The following CIMIP7 variants were observed in gnomAD, a reference collection of about 807,000 sequenced individuals.
CIMIP7 encodes ciliary microtubule inner protein 7, also known as uncharacterized protein C3orf84.
At chr3:49,178,552 GAGAA>G in the CIMIP7 span, 13 of 1,611,094 alleles carry the variant, frequency 8.1e-6, no homozygotes, top group African/African-American at 1.3e-4. Context: ...GAAAGACAGT[GAGAA>G]AGAAGGTGAA....
chr3:49,177,670 A>G, the CIMIP7 span: 6 of 1,603,790 alleles, frequency 3.7e-6, no homozygotes, highest in Admixed American at 1.7e-5. Flanking sequence ...GGACCAGTTT[A>G]GACACTCAGA....
the CIMIP7 span, chr3:49,178,364 T>C: frequency 1.1e-6 from 1 of 900,142 alleles, no homozygotes; most frequent in Non-Finnish European, 1.8e-6. Context: ...CAGCCACTCC[T>C]CTGCCTTCAT....
chr3:49,188,144 T>C, the CIMIP7 span, among the ~76,000 whole-genome samples: 1 of 152,232 alleles, frequency 6.6e-6, no homozygotes, highest in Non-Finnish European at 1.5e-5. Flanking sequence ...ATGGGCAGTA[T>C]GGAGCTGCAT....
At chr3:49,181,499 A>G in the CIMIP7 span, among the ~76,000 whole-genome samples, 1 of 152,150 alleles carries the variant, frequency 6.6e-6, no homozygotes. Context: ...TCTCTACAAA[A>G]AATAACAAAT....
the CIMIP7 span, among the ~76,000 whole-genome samples, chr3:49,191,348 C>T: frequency 6.6e-6 from 1 of 152,192 alleles, no homozygotes; most frequent in South Asian, 2.1e-4. Flanking sequence ...ATTTATCAGA[C>T]CTTTATTGTC....
the CIMIP7 span, among the ~76,000 whole-genome samples, chr3:49,181,177 A>C: frequency 6.6e-6 from 1 of 150,798 alleles, no homozygotes; most frequent in Non-Finnish European, 1.5e-5. Context: ...CCTTGTCTCT[A>C]CTGAAAATAC....
chr3:49,181,540 C>A, the CIMIP7 span, among the ~76,000 whole-genome samples: 1 of 152,040 alleles, frequency 6.6e-6, no homozygotes, highest in Non-Finnish European at 1.5e-5. Context: ...TACCTGTGGT[C>A]CCAGCAACTA....
the CIMIP7 span, among the ~76,000 whole-genome samples, chr3:49,188,104 C>A: frequency 1.3e-5 from 2 of 152,224 alleles, no homozygotes; most frequent in Non-Finnish European, 2.9e-5. Flanking sequence ...TTCCCAGATC[C>A]CTTCACTCTC....
the CIMIP7 span, chr3:49,178,401 C>G: frequency 2.4e-5 from 32 of 1,336,900 alleles, no homozygotes; most frequent in African/African-American, 4.3e-4. Flanking sequence ...GTGTCATCCC[C>G]TCCACCCTAC....
At chr3:49,183,192 T>C in the CIMIP7 span, among the ~76,000 whole-genome samples, 28 of 152,292 alleles carry the variant, frequency 1.8e-4, no homozygotes, top group African/African-American at 6.5e-4. Flanking sequence ...AAGATATTCA[T>C]CATTAAACAT....
At chr3:49,183,396 C>T in the CIMIP7 span, among the ~76,000 whole-genome samples, 2 of 152,298 alleles carry the variant, frequency 1.3e-5, no homozygotes, top group Admixed American at 1.3e-4. Context: ...AAAAACTAAA[C>T]ATGCAGCCGG....
At chr3:49,184,143 G>T in the CIMIP7 span, among the ~76,000 whole-genome samples, 1 of 152,086 alleles carries the variant, frequency 6.6e-6, no homozygotes, top group South Asian at 2.1e-4. Context: ...TACCACAGGT[G>T]CATGCCATCA....
chr3:49,182,190 T>C, the CIMIP7 span, among the ~76,000 whole-genome samples: 3 of 152,188 alleles, frequency 2.0e-5, no homozygotes, highest in Admixed American at 1.3e-4. Context: ...CTCCACAGCG[T>C]GGAAGGGGAC....
At chr3:49,186,625 G>A in the CIMIP7 span, among the ~76,000 whole-genome samples, 1 of 151,956 alleles carries the variant, frequency 6.6e-6, no homozygotes, top group Non-Finnish European at 1.5e-5. Context: ...GGATGGTCTT[G>A]ATCTCCTGAC....
chr3:49,177,991 C>T, the CIMIP7 span: 40 of 1,612,708 alleles, frequency 2.5e-5, no homozygotes, highest in African/African-American at 6.7e-5. Flanking sequence ...GAAGGTGTGC[C>T]GCTGCCACAG....
At chr3:49,178,679 C>G in the CIMIP7 span, 2 of 667,684 alleles carry the variant, frequency 3.0e-6, no homozygotes, top group Non-Finnish European at 5.4e-6. Context: ...TGCCAACAGA[C>G]AGAGGGCAGA....
the CIMIP7 span, among the ~76,000 whole-genome samples, chr3:49,189,620 G>A: frequency 6.6e-6 from 1 of 152,212 alleles, no homozygotes; most frequent in South Asian, 2.1e-4. Flanking sequence ...CTGACCAGAG[G>A]AGGCCTCCTA....
At chr3:49,178,874 T>C in the CIMIP7 span, among the ~76,000 whole-genome samples, 1 of 152,100 alleles carries the variant, frequency 6.6e-6, no homozygotes, top group Non-Finnish European at 1.5e-5. Context: ...CCCAGGACTC[T>C]AGTCCTCTCC....
At chr3:49,190,044 A>G in the CIMIP7 span, 1 of 1,613,818 alleles carries the variant, frequency 6.2e-7, no homozygotes, top group Non-Finnish European at 8.5e-7. Context: ...CTGCAGGAAC[A>G]CTGCTGGAGG....
Sources: allele counts gnomAD v4.1 joint callset (sites outside exome capture counted in the v4.1 genomes callset), GRCh38; gene constraint gnomAD v4.1.1; transcripts MANE v1.5; gene names NCBI Gene and HGNC (gene_info 2026-07-23, HGNC 2026-07-21).